YIPF1: variants seen among roughly 807,000 people sequenced by gnomAD.
YIPF1 encodes the protein protein YIPF1.
A neutral mutation model predicts 37.0 loss-of-function variants in YIPF1; 22 were observed. That is an observed-to-expected ratio of 0.59 (90% CI 0.42 to 0.85). The LOEUF is 0.85. YIPF1 is among the 40% of genes least tolerant of loss of function. YIPF1 has a pLI of 0.00. For synonymous variants in YIPF1, 128 were observed against 131.9 expected, an observed-to-expected ratio of 0.97 and a Z score of 0.21; for missense variants, 355 against 373.1, an observed-to-expected ratio of 0.95 and a Z score of 0.40.
chr1:53,873,970 ATT>A (rs1438315097), intron 6 of YIPF1, among the ~76,000 whole-genome samples: 1 of 152,066 alleles, frequency 6.6e-6, no homozygotes, highest in Non-Finnish European at 1.5e-5. Flanking sequence ...GAGAAACAAT[ATT>A]TTCAGGTGGC....
chr1:53,885,411 G>A (rs914228213), intron 3 of YIPF1, among the ~76,000 whole-genome samples: 1 of 152,188 alleles, frequency 6.6e-6, no homozygotes, highest in Non-Finnish European at 1.5e-5. Flanking sequence ...GGGACGCTGA[G>A]GCAGGAGAAT....
At chr1:53,877,484 C>T (rs1473480054) in intron 6 of YIPF1, among the ~76,000 whole-genome samples, 5 of 152,164 alleles carry the variant, frequency 3.3e-5, no homozygotes, top group South Asian at 4.1e-4. Context: ...ACCTGGCACA[C>T]GGACAGCACT....
At position 53,866,189 on chromosome 1, in the gene YIPF1, T is replaced by A. The variant is rs1650016361; in HGVS notation, c.831+11A>T. On this transcript the variant is annotated intron_variant, in intron 9 of 10. Transcript: ENST00000072644. The stretch of plus-strand genomic sequence containing the variant: ...AAAACACACCAAAAGAATATACGAC[T>A]GAACCCATACCAAGCAGCCCACAGA... 2.5e-6 allele frequency: 4 copies of A among 1,613,126 alleles called. No individual in the cohort carries two copies. The East Asian group carries it at 8.9e-5, about 36-fold the overall frequency.
intron 10 of YIPF1, among the ~76,000 whole-genome samples, chr1:53,856,167 T>C (rs1403637453): frequency 6.6e-6 from 1 of 152,190 alleles, no homozygotes; most frequent in Non-Finnish European, 1.5e-5. Flanking sequence ...ATTTGGAGAC[T>C]TGACACCCAA....
Position 53,883,260 on chromosome 1 carries a change from G to T in YIPF1, c.48C>A (p.Ala16=). ...DLQFEEFGNA[A]TSLTANPDAT... is the part of the protein sequence containing the mutation. Reference sequence around the variant, plus strand: ...CATCTGGGTTTGCTGTCAGAGAAGTGGCTGCATTGCCAAATTCTGAAATCA... The same window carrying T: ...CATCTGGGTTTGCTGTCAGAGAAGTTGCTGCATTGCCAAATTCTGAAATCA... The change falls in exon 4 of 11, where the codon GCC becomes GCA. Residue 16 remains alanine (A), a synonymous_variant. Transcript: ENST00000072644. 1 of 1,569,692 alleles carries T rather than the reference G, an allele frequency of 6.4e-7. No individual in the cohort carries two copies.
chr1:53,874,824 CT>C (rs1650293843), intron 6 of YIPF1, among the ~76,000 whole-genome samples: 1 of 152,064 alleles, frequency 6.6e-6, no homozygotes. Context: ...CCACAACATG[CT>C]TTTTAAAATC....
At chr1:53,852,385 G>A (rs7517184) in intron 10 of YIPF1, 115 bp from the exon 11 acceptor site, 146,151 of 152,310 alleles carry the variant, frequency 0.96, 70,423 homozygotes, top group East Asian at 1. Flanking sequence ...TCCCAACACC[G>A]GAGCAGTCTG....
chr1:53,879,848 T>G (rs765610725), intron 4 of YIPF1, among the ~76,000 whole-genome samples: 1 of 152,330 alleles, frequency 6.6e-6, no homozygotes, highest in East Asian at 1.9e-4. Flanking sequence ...GCATTGGGAC[T>G]GACTAGGCAA....
At chr1:53,887,238 C>T (rs888814840) in intron 3 of YIPF1, among the ~76,000 whole-genome samples, 3 of 151,944 alleles carry the variant, frequency 2.0e-5, no homozygotes, top group Non-Finnish European at 4.4e-5. Context: ...CACCACCATG[C>T]CCAGCTAATT....
chr1:53,856,125 G>A (rs749763003), intron 10 of YIPF1, among the ~76,000 whole-genome samples: 13 of 152,178 alleles, frequency 8.5e-5, no homozygotes, highest in Admixed American at 1.3e-4. Context: ...TTCTGCCAGG[G>A]AGGCTGCAAA....
chr1:53,889,063 G>A, intron 2 of YIPF1, 77 bp from the exon 3 acceptor site: 1 of 745,386 alleles, frequency 1.3e-6, no homozygotes, highest in South Asian at 1.9e-5. Context: ...TATTAGAAAT[G>A]GTATCACTTT....
At chr1:53,865,109 C>T (rs1649983137) in intron 9 of YIPF1, among the ~76,000 whole-genome samples, 2 of 152,174 alleles carry the variant, frequency 1.3e-5, no homozygotes, top group South Asian at 4.1e-4. Flanking sequence ...TTAAAAGTAA[C>T]TCCACTTTCC....
At chr1:53,885,819 CAAAAA>C (rs55998099) in intron 3 of YIPF1, among the ~76,000 whole-genome samples, 3 of 83,890 alleles carry the variant, frequency 3.6e-5, no homozygotes, top group Non-Finnish European at 2.4e-5. Context: ...GACTCGGTCT[CAAAAA>C]AAAAAAAAAA....
At chr1:53,858,403 G>A (rs961896622) in intron 10 of YIPF1, among the ~76,000 whole-genome samples, 1 of 152,202 alleles carries the variant, frequency 6.6e-6, no homozygotes, top group African/African-American at 2.4e-5. Flanking sequence ...GGTAAAGTCA[G>A]TGGGAGCCAC....
At chr1:53,874,915 G>A (rs142641626) in intron 6 of YIPF1, among the ~76,000 whole-genome samples, 2 of 152,076 alleles carry the variant, frequency 1.3e-5, no homozygotes, top group African/African-American at 4.8e-5. Flanking sequence ...TATAAATATA[G>A]TAGCACAATG....
At chr1:53,870,390 G>A (rs1189481662) in intron 7 of YIPF1, among the ~76,000 whole-genome samples, 1 of 146,516 alleles carries the variant, frequency 6.8e-6, no homozygotes, top group Admixed American at 6.8e-5. Flanking sequence ...TGCCCAGGCT[G>A]ATCTCAAACT....
In YIPF1 at chr1:53,873,708, G is replaced by A. The variant is rs796084148; in HGVS notation, c.365-2220C>T. 2.6e-5 allele frequency among the ~76,000 whole-genome samples: 4 copies of A among 151,584 alleles called. No individual in the cohort carries two copies. The South Asian group carries it at 8.3e-4, about 31-fold the overall frequency. The stretch of plus-strand genomic sequence containing the variant: ...CATCTCAAAAAAAAAAAAAGTGGGG[G>A]CGGGGGGGAATGCGGTGGCTCACAC... On this transcript the variant is annotated intron_variant, in intron 6 of 10. Transcript: ENST00000072644.
intron 10 of YIPF1, among the ~76,000 whole-genome samples, chr1:53,857,883 A>C (rs1649762383): frequency 6.6e-6 from 1 of 150,450 alleles, no homozygotes; most frequent in Non-Finnish European, 1.5e-5. Flanking sequence ...TGGGAGGCTG[A>C]GGCAGGAGAA....
intron 8 of YIPF1, 37 bp from the exon 9 acceptor site, chr1:53,866,419 G>C: frequency 6.2e-7 from 1 of 1,601,094 alleles, no homozygotes; most frequent in South Asian, 1.1e-5. Context: ...GGAGTTCTTG[G>C]GAGGCATTTG....
Sources: gnomAD v4.1 joint callset for allele counts (sites outside exome capture counted in the v4.1 genomes callset) on GRCh38, gnomAD v4.1.1 for gene constraint, MANE v1.5 for transcripts, NCBI Gene and HGNC (gene_info 2026-07-23, HGNC 2026-07-21) for gene names.